Variants in AHSA1 observed in about 807,000 individuals in gnomAD.
The protein encoded by AHSA1 is activator of HSP90 ATPase activity 1.
AHSA1 carries 14 observed loss-of-function variants against 46.1 expected under a neutral mutation model. That is an observed-to-expected ratio of 0.30 (90% confidence interval 0.20 to 0.47). AHSA1 has a LOEUF of 0.47. Ranked by LOEUF, AHSA1 falls within the 20% of genes least tolerant of loss-of-function variation. The pLI is 0.99. For missense variants in AHSA1, 333 were observed against 415.9 expected (o/e 0.80, Z 1.73); for synonymous variants, 147 against 145.8 (o/e 1.01, Z -0.06).
chr14:77,463,696 C>T (rs2079036102), intron 4 of AHSA1, among the ~76,000 whole-genome samples: 1 of 152,070 alleles, frequency 6.6e-6, no homozygotes, highest in Non-Finnish European at 1.5e-5. Flanking sequence ...TGAATACAGT[C>T]TGGACTATCT....
chr14:77,465,424 T>G, intron 5 of AHSA1, 115 bp from the exon 6 acceptor site: 1 of 1,222,224 alleles, frequency 8.2e-7, no homozygotes, highest in Non-Finnish European at 1.1e-6. Flanking sequence ...TTGGAATAAT[T>G]ACCCTTGGAG....
At chr14:77,467,146 C>T (rs79819012) in intron 6 of AHSA1, among the ~76,000 whole-genome samples, 3,457 of 152,308 alleles carry the variant, frequency 0.023, 136 homozygotes, top group African/African-American at 0.079. Flanking sequence ...CATCTCTAAT[C>T]CCAGCACTTT....
intron 4 of AHSA1, among the ~76,000 whole-genome samples, chr14:77,463,798 T>A (rs1342920611): frequency 6.6e-6 from 1 of 152,222 alleles, no homozygotes; most frequent in Non-Finnish European, 1.5e-5. Flanking sequence ...TGTATTCTGA[T>A]CTTGGTGTTG....
intron 8 of AHSA1, 90 bp downstream of exon 8, chr14:77,468,598 T>A (rs1393710076): frequency 8.3e-7 from 1 of 1,200,724 alleles, no homozygotes; most frequent in South Asian, 1.3e-5. Flanking sequence ...AGGGTCTCAC[T>A]GTCACTCAGG....
chr14:77,462,069 A>C, intron 2 of AHSA1, 91 bp from the exon 3 acceptor site: 2 of 903,194 alleles, frequency 2.2e-6, no homozygotes, highest in Admixed American at 2.1e-5. Flanking sequence ...AGCCATCCAA[A>C]AGCAGCAGAA....
At chr14:77,464,143 C>G (rs1007845861) in intron 4 of AHSA1, among the ~76,000 whole-genome samples, 4 of 152,282 alleles carry the variant, frequency 2.6e-5, no homozygotes, top group African/African-American at 7.2e-5. Flanking sequence ...CTTTTGGAGG[C>G]CGAGGCTAGT....
chr14:77,464,825 G>A, intron 5 of AHSA1, 139 bp downstream of exon 5: 1 of 693,976 alleles, frequency 1.4e-6, no homozygotes. Flanking sequence ...CTTTTTCAGA[G>A]CGCCTGCAAT....
Position 77,465,553 on chromosome 14 carries a change from T to C in AHSA1, c.576T>C (p.Pro192=). The part of the protein sequence containing the change: ...KTEERKAKPA[P]SKTQARPVGV... Reference sequence around the variant, plus strand: ...CACCTTCACAGGCTAAGCCTGCTCCTTCAAAAACCCAGGCCAGACCTGTTG... The same window carrying C: ...CACCTTCACAGGCTAAGCCTGCTCCCTCAAAAACCCAGGCCAGACCTGTTG... The change falls in exon 6 of 9, where the codon CCT becomes CCC. Residue 192 remains proline, a synonymous_variant. Coordinates refer to ENST00000216479, the MANE Select transcript of AHSA1 (RefSeq NM_012111.3). The C allele has an allele frequency of 6.2e-7, 1 of 1,613,982 alleles. No homozygotes were observed.
chr14:77,468,096 T>C lies in AHSA1; in HGVS notation c.704T>C (p.Phe235Ser). ...VFTTQELVQA[F>S]THAPATLEAD... ...TTTTCCCTGCAGCTGGTGCAGGCCT[T>C]TACCCATGCTCCTGCAACATTAGAA... The change falls in exon 7 of 9, where the codon TTT becomes TCT. Residue 235 changes from phenylalanine to serine, a missense_variant. Transcript: ENST00000216479. 6.6e-7 allele frequency: 1 copy of C among 1,506,228 alleles called. No individual in the cohort carries two copies. Among genetic ancestry groups the C allele is most frequent in the African/African-American group, 1.4e-5 (1 of 71,092 alleles). The allele number at this position is 1,506,228 out of a possible 1,614,324, so 93.3% of individuals were successfully genotyped here.
intron 2 of AHSA1, 98 bp from the exon 3 acceptor site, chr14:77,462,062 C>T: frequency 4.9e-6 from 4 of 819,966 alleles, no homozygotes; most frequent in Non-Finnish European, 8.1e-6. Context: ...TCAGTTCAGC[C>T]ATCCAAAAGC....
chr14:77,458,762 G>T (rs557836264), intron 1 of AHSA1, among the ~76,000 whole-genome samples: 1 of 152,236 alleles, frequency 6.6e-6, no homozygotes, highest in African/African-American at 2.4e-5. Context: ...TCAGAGCTCA[G>T]ATAGCTGCGG....
chr14:77,463,104 A>G, intron 4 of AHSA1: 1 of 219,352 alleles, frequency 4.6e-6, no homozygotes, highest in Non-Finnish European at 9.4e-6. Context: ...ACATGGCGAA[A>G]CCCTGTCTCT....
At chr14:77,464,766 C>G in intron 5 of AHSA1, 80 bp downstream of exon 5, 6 of 1,286,862 alleles carry the variant, frequency 4.7e-6, no homozygotes, top group Non-Finnish European at 6.6e-6. Context: ...TATCAGCTCT[C>G]TGTGTCCCTA....
At position 77,469,038 on chromosome 14, in the gene AHSA1, A is replaced by G; in HGVS notation, c.845-39A>G. On this transcript the variant is annotated intron_variant, in intron 8 of 8. Transcript: ENST00000216479. ...GCCCCAGTCTTAAACTCAGATGGAA[A>G]CCTAGATATGAAACCTCCGTCCCCT... The G allele has an allele frequency of 3.1e-6, 5 of 1,606,302 alleles. No homozygotes were observed. The South Asian group carries it at 3.3e-5, about 11-fold the overall frequency.
chr14:77,466,239 T>G (rs879004200), intron 6 of AHSA1: 1 of 152,518 alleles, frequency 6.6e-6, no homozygotes, highest in Non-Finnish European at 1.5e-5. Context: ...GCCTCCTGAG[T>G]AGCTGGGACT....
At chr14:77,462,409 C>T in intron 3 of AHSA1, 167 bp downstream of exon 3, 1 of 742,342 alleles carries the variant, frequency 1.3e-6, no homozygotes, top group South Asian at 1.8e-5. Context: ...ACTTCTAGAG[C>T]AATTTGCACT....
intron 8 of AHSA1, 48 bp from the exon 9 acceptor site, chr14:77,469,029 C>G: frequency 6.2e-7 from 1 of 1,602,066 alleles, no homozygotes; most frequent in Non-Finnish European, 8.5e-7. Context: ...GTCTTAAACT[C>G]AGATGGAAAC....
intron 6 of AHSA1, 49 bp downstream of exon 6, chr14:77,465,716 G>T: frequency 1.2e-6 from 2 of 1,600,402 alleles, no homozygotes; most frequent in South Asian, 1.1e-5. Context: ...CCTTCTAGGT[G>T]ACTTGAGTTG....
intron 2 of AHSA1, among the ~76,000 whole-genome samples, 160 bp from the exon 3 acceptor site, chr14:77,462,000 G>A (rs2079027488): frequency 6.6e-6 from 1 of 152,180 alleles, no homozygotes; most frequent in African/African-American, 2.4e-5. Flanking sequence ...TTTCTTTTGG[G>A]GGTGCGGGTG....
Sources: gnomAD v4.1 joint callset for allele counts (sites outside exome capture counted in the v4.1 genomes callset) on GRCh38, gnomAD v4.1.1 for gene constraint, MANE v1.5 for transcripts, NCBI Gene and HGNC (gene_info 2026-07-23, HGNC 2026-07-21) for gene names.